The following BLTP3B variants were observed in gnomAD, a reference collection of about 807,000 sequenced individuals.
BLTP3B encodes the protein bridge-like lipid transfer protein family member 3B.
chr12:100,048,007 T>C, the BLTP3B span: 1 of 1,603,810 alleles, frequency 6.2e-7, no homozygotes, highest in South Asian at 1.1e-5. Context: ...AACAGTTTCA[T>C]CTTCCAAAAA....
At chr12:100,062,897 A>G in the BLTP3B span, among the ~76,000 whole-genome samples, 1 of 151,880 alleles carries the variant, frequency 6.6e-6, no homozygotes, top group Non-Finnish European at 1.5e-5. Context: ...GGAGTTTGAG[A>G]CGGCAGTGAG....
chr12:100,084,765 G>A, the BLTP3B span: 1 of 1,186,266 alleles, frequency 8.4e-7, no homozygotes, highest in Non-Finnish European at 1.1e-6. Flanking sequence ...GAAAGACTTT[G>A]ATATCTGAAA....
At chr12:100,059,326 T>A in the BLTP3B span, 11 of 1,614,064 alleles carry the variant, frequency 6.8e-6, no homozygotes, top group Admixed American at 1.7e-5. Context: ...TGTAGAAGAT[T>A]AAAATTGTCA....
chr12:100,079,995 T>C, the BLTP3B span, among the ~76,000 whole-genome samples: 2 of 152,186 alleles, frequency 1.3e-5, no homozygotes, highest in Non-Finnish European at 2.9e-5. Flanking sequence ...GAACTGGGGA[T>C]TGGGAGCCTC....
the BLTP3B span, among the ~76,000 whole-genome samples, chr12:100,140,720 AAAAAAAAAAATATAT>A: frequency 1.8e-4 from 22 of 123,628 alleles, no homozygotes; most frequent in Non-Finnish European, 3.6e-4. Flanking sequence ...AAAAAAAAAA[AAAAAAAAAAATATAT>A]ATATATATAT....
chr12:100,109,168 CT>C, the BLTP3B span, among the ~76,000 whole-genome samples: 6 of 62,140 alleles, frequency 9.7e-5, no homozygotes, highest in African/African-American at 1.8e-4. Context: ...TCCTCTCTCT[CT>C]CTCTCTCTCT....
chr12:100,134,035 G>A, the BLTP3B span, among the ~76,000 whole-genome samples: 4 of 151,940 alleles, frequency 2.6e-5, no homozygotes, highest in East Asian at 1.9e-4. Flanking sequence ...TATACATATC[G>A]TTCAGTACTA....
chr12:100,048,735 GGAGAGA>G, the BLTP3B span, among the ~76,000 whole-genome samples: 146 of 119,580 alleles, frequency 1.2e-3, 2 homozygotes, highest in African/African-American at 2.9e-3. Flanking sequence ...GTAAGGGGGG[GGAGAGA>G]GAGAGAGAGA....
At chr12:100,037,338 GGAAAT>G in the BLTP3B span, 7 of 1,031,464 alleles carry the variant, frequency 6.8e-6, no homozygotes, top group Non-Finnish European at 8.1e-6. Context: ...ATCAAAATTA[GGAAAT>G]GACATCTTCT....
the BLTP3B span, among the ~76,000 whole-genome samples, chr12:100,079,525 A>G: frequency 1.3e-5 from 2 of 152,232 alleles, no homozygotes; most frequent in African/African-American, 4.8e-5. Flanking sequence ...GCAGCAATGC[A>G]TTCAAGGGTG....
At chr12:100,110,372 G>GCTT in the BLTP3B span, among the ~76,000 whole-genome samples, 352 of 152,170 alleles carry the variant, frequency 2.3e-3, 8 homozygotes, top group East Asian at 0.04. Flanking sequence ...TATTACACTT[G>GCTT]CTTCTGATCA....
At chr12:100,037,647 T>C in the BLTP3B span, 341 of 1,608,962 alleles carry the variant, frequency 2.1e-4, 1 homozygote, top group Middle Eastern at 2.8e-3. Flanking sequence ...TATTCAACTG[T>C]CATCTTCTTT....
chr12:100,067,370 C>T, the BLTP3B span, among the ~76,000 whole-genome samples: 1 of 151,896 alleles, frequency 6.6e-6, no homozygotes, highest in Non-Finnish European at 1.5e-5. Flanking sequence ...CTGAAACAAA[C>T]AAAAACAATA....
the BLTP3B span, chr12:100,037,507 C>T: frequency 1.3e-6 from 2 of 1,525,946 alleles, no homozygotes; most frequent in Non-Finnish European, 1.7e-6. Context: ...GTCACCACTT[C>T]ATCACATTCC....
the BLTP3B span, chr12:100,104,015 C>A: frequency 1.6e-6 from 2 of 1,246,174 alleles, no homozygotes; most frequent in South Asian, 2.7e-5. Context: ...AAACAGTAAT[C>A]AATACAGGTG....
the BLTP3B span, among the ~76,000 whole-genome samples, chr12:100,131,027 GAGA>G: frequency 8.1e-6 from 1 of 123,136 alleles, no homozygotes; most frequent in Non-Finnish European, 1.7e-5. Flanking sequence ...GAGAGAGAGA[GAGA>G]GAGAAAGAGT....
chr12:100,110,934 T>C, the BLTP3B span, among the ~76,000 whole-genome samples: 1 of 152,138 alleles, frequency 6.6e-6, no homozygotes, highest in African/African-American at 2.4e-5. Flanking sequence ...ATCCTTAGTC[T>C]TGGGCATGGA....
At chr12:100,095,001 G>A in the BLTP3B span, among the ~76,000 whole-genome samples, 14 of 152,118 alleles carry the variant, frequency 9.2e-5, no homozygotes, top group African/African-American at 3.1e-4. Flanking sequence ...TTTTACTAGA[G>A]GTAGATATAA....
chr12:100,128,080 T>C, the BLTP3B span, among the ~76,000 whole-genome samples: 5 of 152,188 alleles, frequency 3.3e-5, no homozygotes, highest in Admixed American at 1.3e-4. Context: ...GTGAGACTTA[T>C]TTCAATCTCT....
Sources: allele counts gnomAD v4.1 joint callset (sites outside exome capture counted in the v4.1 genomes callset), GRCh38; gene constraint gnomAD v4.1.1; transcripts MANE v1.5; gene names NCBI Gene and HGNC (gene_info 2026-07-23, HGNC 2026-07-21).